Variants in WWOX observed in about 807,000 individuals in gnomAD.
WWOX encodes WW domain-containing oxidoreductase.
WWOX carries 69 observed loss-of-function variants against 46.2 expected under a neutral mutation model. The ratio of observed to expected loss-of-function variants is 1.49; its 90% CI spans 1.23 to 1.82. The LOEUF is 1.82. Among genes scored for constraint, WWOX ranks in the 40% most tolerant of loss-of-function variants. The probability of loss-of-function intolerance (pLI) is 0.00; values close to 1 mark genes in which losing one functional copy is unlikely to be tolerated. For missense variants in WWOX, 919 were observed against 542.6 expected (o/e 1.69, Z -6.89); for synonymous variants, 359 against 202.6 (o/e 1.77, Z -6.56).
intron 8 of WWOX, among the ~76,000 whole-genome samples, chr16:78,900,596 C>T (rs550986299): frequency 6.6e-6 from 1 of 152,158 alleles, no homozygotes; most frequent in South Asian, 2.1e-4. Flanking sequence ...GTACACAAAC[C>T]ACAAAGTCAT....
chr16:78,580,611 C>A (rs7197903), intron 8 of WWOX, among the ~76,000 whole-genome samples: 19 of 152,024 alleles, frequency 1.2e-4, no homozygotes, highest in African/African-American at 3.9e-4. Context: ...ATTACCTTTA[C>A]AATCCAACAA....
intron 8 of WWOX, among the ~76,000 whole-genome samples, chr16:78,880,119 A>C (rs1316978895): frequency 1.3e-5 from 2 of 152,168 alleles, no homozygotes; most frequent in Non-Finnish European, 2.9e-5. Flanking sequence ...TGAATAAGAA[A>C]ACTGGGGTCT....
At chr16:78,222,344 GA>G (rs397802718) in intron 5 of WWOX, among the ~76,000 whole-genome samples, 15,401 of 135,398 alleles carry the variant, frequency 0.11, 893 homozygotes, top group Middle Eastern at 0.13. Flanking sequence ...CGACTTAATA[GA>G]AAAAAAAAAA....
intron 8 of WWOX, among the ~76,000 whole-genome samples, chr16:78,681,871 AAC>A (rs2047737881): frequency 6.6e-6 from 1 of 152,126 alleles, no homozygotes; most frequent in African/African-American, 2.4e-5. Flanking sequence ...TGGTTAGAAA[AAC>A]ACAAGTCTCG....
At chr16:78,137,640 CAG>C (rs1305087055) in intron 4 of WWOX, among the ~76,000 whole-genome samples, 1 of 152,046 alleles carries the variant, frequency 6.6e-6, no homozygotes, top group Non-Finnish European at 1.5e-5. Context: ...TCATATGAAA[CAG>C]GGAAAAAGGG....
intron 8 of WWOX, chr16:79,090,004 G>A (rs895249561): frequency 6.6e-6 from 1 of 152,114 alleles, no homozygotes; most frequent in Non-Finnish European, 1.5e-5. Context: ...GGACCTAAGC[G>A]GTTAAGGAAC....
chr16:78,860,994 T>C (rs2043872535), intron 8 of WWOX, among the ~76,000 whole-genome samples: 1 of 152,128 alleles, frequency 6.6e-6, no homozygotes, highest in African/African-American at 2.4e-5. Context: ...TTTTTGTATT[T>C]TTTTTTGTAG....
intron 8 of WWOX, among the ~76,000 whole-genome samples, chr16:79,186,778 C>G (rs1477554820): frequency 1.3e-5 from 2 of 152,200 alleles, no homozygotes; most frequent in East Asian, 3.9e-4. Flanking sequence ...AATCCTCACG[C>G]TAGCATTTCT....
In WWOX at chr16:78,575,053, AT is replaced by A. The variant is rs2044835760; in HGVS notation, c.1056+142302del. Among the ~76,000 whole-genome samples, 7 of 14,644 alleles carry A rather than the reference AT, an allele frequency of 4.8e-4. 1 individual carries two copies. In the South Asian group the frequency reaches 0.013, roughly 26 times the overall value. The allele number at this position is 14,644 out of a possible 152,430, so 9.6% of individuals were successfully genotyped here. On this transcript the variant is annotated intron_variant, in intron 8 of 8. Transcript: ENST00000566780. Reference sequence around the variant, plus strand: ...TATATATATATATATATATATATATATATATATATATATATATATATATATA... The same window carrying A: ...TATATATATATATATATATATATATAATATATATATATATATATATATATA...
chr16:79,036,923 G>C (rs1468108689), intron 8 of WWOX, among the ~76,000 whole-genome samples: 1 of 152,186 alleles, frequency 6.6e-6, no homozygotes, highest in Non-Finnish European at 1.5e-5. Context: ...TGGTTCTGAA[G>C]ATACGTATTT....
At chr16:78,575,382 C>CATGG (rs2044852219) in intron 8 of WWOX, among the ~76,000 whole-genome samples, 1 of 151,524 alleles carries the variant, frequency 6.6e-6, no homozygotes, top group Admixed American at 6.6e-5. Flanking sequence ...GCCCTATCTC[C>CATGG]AGGTTGTCTG....
intron 5 of WWOX, among the ~76,000 whole-genome samples, chr16:78,385,217 A>C (rs145406726): frequency 6.6e-6 from 1 of 151,744 alleles, no homozygotes; most frequent in Non-Finnish European, 1.5e-5. Flanking sequence ...TCCTTCCCTC[A>C]GTAATCTGGT....
intron 8 of WWOX, among the ~76,000 whole-genome samples, chr16:78,731,449 C>A (rs997755055): frequency 6.6e-6 from 1 of 152,050 alleles, no homozygotes; most frequent in Non-Finnish European, 1.5e-5. Context: ...TTCAGTGTTT[C>A]AACATAGACT....
At chr16:78,301,723 G>A (rs1008190910) in intron 5 of WWOX, among the ~76,000 whole-genome samples, 7 of 152,248 alleles carry the variant, frequency 4.6e-5, no homozygotes, top group Admixed American at 1.3e-4. Flanking sequence ...CTGAGAATTG[G>A]AAATCAGGAC....
At chr16:78,846,024 C>G (rs545086431) in intron 8 of WWOX, among the ~76,000 whole-genome samples, 75 of 152,268 alleles carry the variant, frequency 4.9e-4, no homozygotes, top group African/African-American at 1.7e-3. Context: ...GCGGGAGGCA[C>G]TGCACAGGAT....
At chr16:78,870,766 T>G (rs2044110221) in intron 8 of WWOX, among the ~76,000 whole-genome samples, 1 of 152,102 alleles carries the variant, frequency 6.6e-6, no homozygotes, top group Non-Finnish European at 1.5e-5. Context: ...CATGCCCAGC[T>G]AAATTTTTGT....
chr16:78,099,733 A>G lies in WWOX; in HGVS notation c.-46A>G. 1 of 1,513,024 alleles carries G rather than the reference A, an allele frequency of 6.6e-7. No individual in the cohort carries two copies. Among genetic ancestry groups the G allele is most frequent in the Non-Finnish European group, 8.8e-7 (1 of 1,131,022 alleles). The allele number at this position is 1,513,024 out of a possible 1,614,324, so 93.7% of individuals were successfully genotyped here. On this transcript the variant is annotated 5_prime_UTR_variant, in exon 1 of 9. Coordinates refer to ENST00000566780, the MANE Select transcript of WWOX (RefSeq NM_016373.4). The stretch of plus-strand genomic sequence containing the variant: ...CGGGAGTGAGTTCCTGAGCGAGTGG[A>G]CCCGGCAGCGGGCGATAGGGGGGCC...
chr16:78,943,271 C>T (rs2045886860), intron 8 of WWOX, among the ~76,000 whole-genome samples: 1 of 150,634 alleles, frequency 6.6e-6, no homozygotes, highest in African/African-American at 2.5e-5. Context: ...CGTTATTGTG[C>T]CCATTTCCTG....
intron 8 of WWOX, among the ~76,000 whole-genome samples, chr16:78,813,648 T>C (rs1253339302): frequency 1.3e-5 from 2 of 152,122 alleles, no homozygotes; most frequent in Non-Finnish European, 2.9e-5. Flanking sequence ...CAAGGTCTTA[T>C]CAACAGCAAC....
Sources: gnomAD v4.1 joint callset for allele counts (sites outside exome capture counted in the v4.1 genomes callset) on GRCh38, gnomAD v4.1.1 for gene constraint, MANE v1.5 for transcripts, NCBI Gene and HGNC (gene_info 2026-07-23, HGNC 2026-07-21) for gene names.